SUSD6: variants seen among roughly 807,000 people sequenced by gnomAD.
SUSD6 encodes the protein sushi domain containing 6.
SUSD6 carries 16 observed loss-of-function variants against 28.4 expected under a neutral mutation model. The ratio of observed to expected loss-of-function variants is 0.56; its 90% confidence interval spans 0.38 to 0.86. The LOEUF (loss-of-function observed/expected upper bound fraction) is 0.86, where lower values mean the gene tolerates loss of function less well. SUSD6 is among the 40% of genes least tolerant of loss of function. The probability of loss-of-function intolerance (pLI) is 0.00; values close to 1 mark genes in which losing one functional copy is unlikely to be tolerated. For synonymous variants in SUSD6, 147 were observed against 159.6 expected, an observed-to-expected ratio of 0.92 and a Z score of 0.59; for missense variants, 341 against 384.2, an observed-to-expected ratio of 0.89 and a Z score of 0.94.
rs150917211 is a variant in SUSD6, at chr14:69,625,980, C to A, written c.-81+14152C>A. 0.014 allele frequency among the ~76,000 whole-genome samples: 2,113 copies of A among 152,294 alleles called. 78 individuals carry two copies. In the South Asian group the frequency reaches 0.14, roughly 10 times the overall value. On this transcript the variant is annotated intron_variant, in intron 1 of 5. Transcript: ENST00000342745. ...CTCCCTATACCACTTTAGTGCTCCC[C>A]ATGGTGTTCCACCTGCTCCCAGAAC...
At chr14:69,656,741 C>G (rs541899206) in intron 1 of SUSD6, among the ~76,000 whole-genome samples, 2 of 152,214 alleles carry the variant, frequency 1.3e-5, no homozygotes, top group Non-Finnish European at 2.9e-5. Flanking sequence ...GATGAGGAGA[C>G]TAAGGCTAAG....
In SUSD6 at chr14:69,702,816, A is replaced by T. The variant is rs562398270; in HGVS notation, c.122-579A>T. Among the ~76,000 whole-genome samples, 30 of 152,336 alleles carry T rather than the reference A, an allele frequency of 2.0e-4. 1 individual carries two copies. In the South Asian group the frequency reaches 6.2e-3, roughly 32 times the overall value. On this transcript the variant is annotated intron_variant, in intron 2 of 5. Transcript: ENST00000342745. ...CTTTTGAAACTAGGCAGTCCTGTAT[A>T]TCAGTGGAAAATGTGGAATTTATCA... is the stretch of plus-strand genomic sequence containing the variant.
At chr14:69,630,070 A>G (rs752179236) in intron 1 of SUSD6, among the ~76,000 whole-genome samples, 37 of 152,252 alleles carry the variant, frequency 2.4e-4, no homozygotes, top group Non-Finnish European at 4.6e-4. Context: ...GCAGGCTGAT[A>G]ATAAAAGCTA....
At chr14:69,707,911 GA>G (rs1301561992) in intron 4 of SUSD6, among the ~76,000 whole-genome samples, 5 of 152,180 alleles carry the variant, frequency 3.3e-5, no homozygotes, top group Non-Finnish European at 7.4e-5. Context: ...CAATGGGAGT[GA>G]TTTTGGGACA....
intron 2 of SUSD6, among the ~76,000 whole-genome samples, chr14:69,679,813 A>G (rs1200245588): frequency 3.3e-5 from 5 of 152,182 alleles, no homozygotes; most frequent in African/African-American, 1.2e-4. Context: ...TTCCTATCCA[A>G]ATTTCATAAA....
intron 1 of SUSD6, among the ~76,000 whole-genome samples, chr14:69,651,592 C>CA (rs1226345657): frequency 5.9e-5 from 9 of 152,014 alleles, no homozygotes; most frequent in Non-Finnish European, 1.2e-4. Flanking sequence ...TCGAAGCACT[C>CA]AAGTGTTAGT....
chr14:69,674,742 G>C (rs894161568), intron 2 of SUSD6, among the ~76,000 whole-genome samples: 10 of 152,114 alleles, frequency 6.6e-5, no homozygotes, highest in African/African-American at 2.2e-4. Flanking sequence ...CTGGCTTGGA[G>C]AGAATTAGAG....
At chr14:69,636,426 A>G (rs1885266778) in intron 1 of SUSD6, among the ~76,000 whole-genome samples, 1 of 152,178 alleles carries the variant, frequency 6.6e-6, no homozygotes, top group Non-Finnish European at 1.5e-5. Flanking sequence ...AGGGGTAGGG[A>G]CTGGCTTCCT....
At chr14:69,649,294 G>A (rs916274777) in intron 1 of SUSD6, among the ~76,000 whole-genome samples, 1 of 152,174 alleles carries the variant, frequency 6.6e-6, no homozygotes, top group Non-Finnish European at 1.5e-5. Flanking sequence ...GAGACACAGA[G>A]CCCTAAGAAG....
chr14:69,623,827 A>G (rs1333124581), intron 1 of SUSD6, among the ~76,000 whole-genome samples: 1 of 152,242 alleles, frequency 6.6e-6, no homozygotes, highest in Non-Finnish European at 1.5e-5. Flanking sequence ...TAAGGATATA[A>G]AGAAAGAAAA....
chr14:69,622,639 G>C (rs1885058126), intron 1 of SUSD6, among the ~76,000 whole-genome samples: 1 of 152,080 alleles, frequency 6.6e-6, no homozygotes, highest in South Asian at 2.1e-4. Flanking sequence ...TGTTGCGCAG[G>C]CTGGAGTGCA....
At chr14:69,629,413 C>T (rs564724911) in intron 1 of SUSD6, among the ~76,000 whole-genome samples, 9 of 152,290 alleles carry the variant, frequency 5.9e-5, no homozygotes, top group African/African-American at 1.9e-4. Context: ...AGGCAGCTCC[C>T]ATATCAGTCA....
chr14:69,676,606 G>T (rs1171999446), intron 2 of SUSD6, among the ~76,000 whole-genome samples: 1 of 152,142 alleles, frequency 6.6e-6, no homozygotes, highest in African/African-American at 2.4e-5. Flanking sequence ...TGTTGCCCAG[G>T]TGGGTCTTGA....
intron 2 of SUSD6, among the ~76,000 whole-genome samples, chr14:69,663,729 T>C (rs1477265332): frequency 6.6e-6 from 1 of 152,206 alleles, no homozygotes; most frequent in Non-Finnish European, 1.5e-5. Flanking sequence ...TTTTAAGTGG[T>C]GAGGCTGGCT....
intron 1 of SUSD6, among the ~76,000 whole-genome samples, chr14:69,657,448 G>A (rs1885599351): frequency 6.9e-6 from 1 of 144,750 alleles, no homozygotes; most frequent in South Asian, 2.3e-4. Context: ...GAGCAAGACT[G>A]TGTCTCAAAA....
intron 2 of SUSD6, among the ~76,000 whole-genome samples, chr14:69,660,666 C>G (rs1018984662): frequency 2.0e-5 from 3 of 152,264 alleles, no homozygotes; most frequent in Admixed American, 1.3e-4. Context: ...AGGCCAAATC[C>G]TACCTGCCAT....
chr14:69,642,611 T>C (rs894807650), intron 1 of SUSD6, among the ~76,000 whole-genome samples: 6 of 151,872 alleles, frequency 4.0e-5, no homozygotes, highest in African/African-American at 1.4e-4. Context: ...GAGAATAGCA[T>C]GGGAAAGACC....
intron 1 of SUSD6, among the ~76,000 whole-genome samples, chr14:69,645,090 G>A (rs1474830924): frequency 6.6e-6 from 1 of 152,156 alleles, no homozygotes; most frequent in Non-Finnish European, 1.5e-5. Context: ...TCATGGTTTG[G>A]TTATAAATTA....
At chr14:69,631,442 A>C (rs981393939) in intron 1 of SUSD6, among the ~76,000 whole-genome samples, 1 of 152,102 alleles carries the variant, frequency 6.6e-6, no homozygotes, top group African/African-American at 2.4e-5. Flanking sequence ...TGGTCTCATC[A>C]CTTTCTATCT....
Sources: allele counts gnomAD v4.1 joint callset (sites outside exome capture counted in the v4.1 genomes callset), GRCh38; gene constraint gnomAD v4.1.1; transcripts MANE v1.5; gene names NCBI Gene and HGNC (gene_info 2026-07-23, HGNC 2026-07-21).